MYADM: variants seen among roughly 807,000 people sequenced by gnomAD.
The protein encoded by MYADM is myeloid-associated differentiation marker.
For missense variants in MYADM, 416 were observed against 443.4 expected (o/e 0.94, Z 0.56); for synonymous variants, 224 against 210.2 (o/e 1.07, Z -0.57).
At chr19:53,865,922 A>G (rs567569839), upstream of MYADM, 4 of 152,140 alleles carry the variant, frequency 2.6e-5, no homozygotes, top group Middle Eastern at 3.4e-3. Context: ...CCGACTCCCT[A>G]TCTGTCCACA....
At chr19:53,871,084 A>G (rs1428760562) in intron 2 of MYADM, among the ~76,000 whole-genome samples, 1 of 152,188 alleles carries the variant, frequency 6.6e-6, no homozygotes, top group African/African-American at 2.4e-5. Context: ...TACAAAAATT[A>G]GCCGAGCATG....
chr19:53,867,434 G>T (rs1245649994), upstream of MYADM, among the ~76,000 whole-genome samples: 1 of 151,932 alleles, frequency 6.6e-6, no homozygotes, highest in Non-Finnish European at 1.5e-5. Context: ...CAGGAAGGAG[G>T]GGGTAGGAAG....
Position 53,874,905 on chromosome 19 carries a change from A to G in MYADM, c.*407A>G, listed in dbSNP as rs1004466729. On this transcript the variant is annotated 3_prime_UTR_variant, in exon 3 of 3. Transcript: ENST00000391770. ...ATTCTCCTGCCCCAGCCTCCCAAGTAGCTGGGAGGACAGGTGTGAGCTGCC... is the reference window on the plus strand; with the variant it reads ...ATTCTCCTGCCCCAGCCTCCCAAGTGGCTGGGAGGACAGGTGTGAGCTGCC... 5.9e-6 allele frequency: 1 copy of G among 168,492 alleles called. No individual in the cohort carries two copies. Among genetic ancestry groups the G allele is most frequent in the Non-Finnish European group, 1.4e-5 (1 of 70,152 alleles). The allele number at this position is 168,492 out of a possible 1,614,324, so 10.4% of individuals were successfully genotyped here.
chr19:53,871,533 G>A (rs1020063454), intron 2 of MYADM, among the ~76,000 whole-genome samples: 6 of 152,178 alleles, frequency 3.9e-5, no homozygotes, highest in Non-Finnish European at 8.8e-5. Flanking sequence ...GGAGGAGGCC[G>A]CTAAGAGTTT....
chr19:53,867,551 C>T (rs1200456896), upstream of MYADM, among the ~76,000 whole-genome samples: 2 of 152,192 alleles, frequency 1.3e-5, no homozygotes, highest in East Asian at 3.9e-4. Context: ...ACGGTCTTCC[C>T]TGGCCTACCC....
Position 53,875,364 on chromosome 19 carries a change from G to C in MYADM, c.*866G>C. Reference sequence around the variant, plus strand: ...TTTGGAGGTCAGTAATTTCCAATGGGCGGGAGGCTTTAAGCACCGACCCTG... The same window carrying C: ...TTTGGAGGTCAGTAATTTCCAATGGCCGGGAGGCTTTAAGCACCGACCCTG... On this transcript the variant is annotated 3_prime_UTR_variant, in exon 3 of 3. Coordinates refer to ENST00000391770, the MANE Select transcript of MYADM (RefSeq NM_138373.5). 6.0e-6 allele frequency: 1 copy of C among 166,662 alleles called. No individual in the cohort carries two copies. The highest frequency in any genetic ancestry group is 6.6e-5 in the Admixed American group (1 of 15,224). The allele number at this position is 166,662 out of a possible 1,614,324, so 10.3% of individuals were successfully genotyped here.
Position 53,875,234 on chromosome 19 carries a change from G to GTGTGTGT in MYADM, c.*736_*737insTGTGTGT, listed in dbSNP as rs1568741422. 2.7e-5 allele frequency: 4 copies of GTGTGTGT among 147,938 alleles called. No homozygotes were observed. The highest frequency in any genetic ancestry group is 8.1e-5 in the African/African-American group (3 of 36,934). The allele number at this position is 147,938 out of a possible 1,614,324, so 9.2% of individuals were successfully genotyped here. On this transcript the variant is annotated 3_prime_UTR_variant, in exon 3 of 3. Transcript: ENST00000391770. Reference sequence around the variant, plus strand: ...TGTGTGTGTGTGTGTGTGTGTGTTTGGGGGGTGGGGGGTGGGTAGCTGGGG... The same window carrying GTGTGTGT: ...TGTGTGTGTGTGTGTGTGTGTGTTTGTGTGTGTGGGGGTGGGGGGTGGGTAGCTGGGG...
rs1339767088 is a variant in MYADM at position 53,868,704 on chromosome 19, G to A, written c.-88+761G>A. Among the ~76,000 whole-genome samples the A allele has an allele frequency of 1.3e-5, 2 of 152,286 alleles. No homozygotes were observed. The highest frequency in any genetic ancestry group is 3.9e-4 in the East Asian group (2 of 5,166). ...TCTGGAGTGGACGAGGGAGGACACT[G>A]AGGGGCTGGGTGTGGCCCGGAGAGT... On this transcript the variant is annotated intron_variant, in intron 1 of 2. Transcript: ENST00000391770. The surrounding 1 kb of genome is among the most constrained non-coding windows in gnomAD (Gnocchi z 6.3).
rs2068471944 is a variant in MYADM, at chr19:53,874,306, C to T, written c.777C>T (p.Pro259=). Reference sequence around the variant, plus strand: ...ATGCCACCGCCCTTGTTCTCTGGCCCCTCTACCAGTTCGATGAGAAGTATG... The same window carrying T: ...ATGCCACCGCCCTTGTTCTCTGGCCTCTCTACCAGTTCGATGAGAAGTATG... ...LLYATALVLW[P]LYQFDEKYGG... The change falls in exon 3 of 3, where the codon CCC becomes CCT. Residue 259 remains proline (P), a synonymous_variant. Transcript: ENST00000391770. The T allele has an allele frequency of 6.2e-7, 1 of 1,611,702 alleles. No homozygotes were observed. The highest frequency in any genetic ancestry group is 8.5e-7 in the Non-Finnish European group (1 of 1,178,210).
chr19:53,873,169 A>G lies in MYADM; in HGVS notation c.-2-359A>G, dbSNP rs1191528771. On this transcript the variant is annotated intron_variant, in intron 2 of 2. Coordinates refer to ENST00000391770, the MANE Select transcript of MYADM (RefSeq NM_138373.5). This position sits in a 1 kb window ranked among gnomAD's most constrained non-coding sequence, Gnocchi z 4.3. Reference sequence around the variant, plus strand: ...AGCGGATCATGAGGTCAGGAGATCGAGACCATCCTGGCTAACACAGTGAAA... The same window carrying G: ...AGCGGATCATGAGGTCAGGAGATCGGGACCATCCTGGCTAACACAGTGAAA... Among the ~76,000 whole-genome samples the G allele has an allele frequency of 6.6e-6, 1 of 152,190 alleles. No homozygotes were observed. The highest frequency in any genetic ancestry group is 1.5e-5 in the Non-Finnish European group (1 of 68,028).
rs1555804918 is a variant in MYADM, at chr19:53,874,741, T to TCACCCTGTTTC, written c.*248_*249insTGTTTCCACCC. 1.4e-5 allele frequency: 6 copies of TCACCCTGTTTC among 423,504 alleles called. No homozygotes were observed. Among genetic ancestry groups the TCACCCTGTTTC allele is most frequent in the African/African-American group, 1.2e-4 (6 of 48,068 alleles). The allele number at this position is 423,504 out of a possible 1,614,324, so 26.2% of individuals were successfully genotyped here. A position where few individuals can be genotyped will look rare whatever the true frequency, so the allele number is the denominator to read the frequency against. Reference sequence around the variant, plus strand: ...TTGTTTTGTTGCCCACATCCTGTTTTCACCCCTGAGCTGTTTCTCTTTTTC... The same window carrying TCACCCTGTTTC: ...TTGTTTTGTTGCCCACATCCTGTTTTCACCCTGTTTCCACCCCTGAGCTGTTTCTCTTTTTC... On this transcript the variant is annotated 3_prime_UTR_variant, in exon 3 of 3. Transcript: ENST00000391770.
At chr19:53,871,675 T>C (rs2068392147) in intron 2 of MYADM, among the ~76,000 whole-genome samples, 1 of 151,366 alleles carries the variant, frequency 6.6e-6, no homozygotes, top group Non-Finnish European at 1.5e-5. Flanking sequence ...CCTGGGGAGG[T>C]TGGGCCGTTT....
At position 53,873,100 on chromosome 19, in the gene MYADM, G is replaced by C. The variant is rs1054104297; in HGVS notation, c.-2-428G>C. 6.6e-6 allele frequency among the ~76,000 whole-genome samples: 1 copy of C among 152,118 alleles called. No homozygotes were observed. Among genetic ancestry groups the C allele is most frequent in the South Asian group, 2.1e-4 (1 of 4,830 alleles). On this transcript the variant is annotated intron_variant, in intron 2 of 2. Coordinates refer to ENST00000391770, the MANE Select transcript of MYADM (RefSeq NM_138373.5). The surrounding 1 kb of genome is among the most constrained non-coding windows in gnomAD (Gnocchi z 4.3). The stretch of plus-strand genomic sequence containing the variant: ...CATTTGAAAACCCAAGGCTGGGCCC[G>C]GTGGCTCACGCCTATAATCCCAGCA...
chr19:53,871,511 G>T (rs559125659), intron 2 of MYADM, among the ~76,000 whole-genome samples: 2 of 152,170 alleles, frequency 1.3e-5, no homozygotes, highest in African/African-American at 2.4e-5. Context: ...TCCAAGGTGG[G>T]GGGTAGGGAG....
intron 2 of MYADM, among the ~76,000 whole-genome samples, chr19:53,871,089 A>C (rs935138534): frequency 1.3e-5 from 2 of 152,140 alleles, no homozygotes; most frequent in Non-Finnish European, 2.9e-5. Context: ...AAATTAGCCG[A>C]GCATGGTGGC....
At chr19:53,866,593 G>C (rs2068249145), upstream of MYADM, among the ~76,000 whole-genome samples, 1 of 152,158 alleles carries the variant, frequency 6.6e-6, no homozygotes, top group Non-Finnish European at 1.5e-5. The surrounding 1 kb of genome is among the most constrained non-coding windows in gnomAD (Gnocchi z 4.3). Context: ...TCCCTGCCCT[G>C]GGGCTTCGGG....
In MYADM at chr19:53,874,519, G is replaced by T; in HGVS notation, c.*21G>T. 1 of 1,558,214 alleles carries T rather than the reference G, an allele frequency of 6.4e-7. No individual in the cohort carries two copies. The highest frequency in any genetic ancestry group is 8.7e-7 in the Non-Finnish European group (1 of 1,152,602). On this transcript the variant is annotated 3_prime_UTR_variant, in exon 3 of 3. Transcript: ENST00000391770. Reference sequence around the variant, plus strand: ...TCTAAGACTCTCCCAAGAGGCTCCCGTTCCCTCTCCAACCTCTTTGTTCTT... The same window carrying T: ...TCTAAGACTCTCCCAAGAGGCTCCCTTTCCCTCTCCAACCTCTTTGTTCTT...
rs1422794370 is a variant in MYADM, at chr19:53,876,278, AT to A, written c.*1781del. ...CATAACGTGATATATATATATATAT[AT>A]ATAAATGTATAAATATATATTTTAT... On this transcript the variant is annotated 3_prime_UTR_variant, in exon 3 of 3. Transcript: ENST00000391770. 291 of 162,750 alleles carry A rather than the reference AT, an allele frequency of 1.8e-3. No individual in the cohort carries two copies. Among genetic ancestry groups the A allele is most frequent in the Admixed American group, 5.9e-3 (88 of 14,914 alleles). 10.1% of individuals were successfully genotyped at this position (162,750 alleles called of 1,614,324 possible). A position where few individuals can be genotyped will look rare whatever the true frequency, so the allele number is the denominator to read the frequency against.
intron 2 of MYADM, among the ~76,000 whole-genome samples, chr19:53,871,839 G>GT (rs2068395902): frequency 6.6e-6 from 1 of 152,052 alleles, no homozygotes; most frequent in Non-Finnish European, 1.5e-5. Context: ...TGACACTTGG[G>GT]TTGTGGCAGG....
Sources: gnomAD v4.1 joint callset for allele counts (sites outside exome capture counted in the v4.1 genomes callset) on GRCh38, gnomAD v4.1.1 for gene constraint, Gnocchi (gnomAD v3.1) non-coding constraint, MANE v1.5 for transcripts, NCBI Gene and HGNC (gene_info 2026-07-23, HGNC 2026-07-21) for gene names.